The following ZNF804B variants were observed in gnomAD, a reference collection of about 807,000 sequenced individuals.
The protein encoded by ZNF804B is zinc finger protein 804B.
ZNF804B carries 80 observed loss-of-function variants against 101.4 expected under a neutral mutation model. The ratio of observed to expected loss-of-function variants is 0.79; its 90% CI spans 0.66 to 0.95. The LOEUF is 0.95. Ranked by LOEUF, ZNF804B falls within the 40% of genes least tolerant of loss-of-function variation. ZNF804B has a pLI of 0.00. For missense variants in ZNF804B, 1,673 were observed against 1,561.9 expected, an observed-to-expected ratio of 1.07 and a Z score of -1.20; for synonymous variants, 622 against 558.8, an observed-to-expected ratio of 1.11 and a Z score of -1.59.
chr7:89,213,275 T>C (rs1413604171), intron 1 of ZNF804B, among the ~76,000 whole-genome samples: 1 of 152,172 alleles, frequency 6.6e-6, no homozygotes, highest in Non-Finnish European at 1.5e-5. Context: ...GAAAATTCAC[T>C]CTCTTTGAAG....
At chr7:88,899,894 A>G (rs1452983613) in intron 1 of ZNF804B, among the ~76,000 whole-genome samples, 2 of 152,188 alleles carry the variant, frequency 1.3e-5, no homozygotes, top group African/African-American at 4.8e-5. Context: ...TAGTTTACAT[A>G]TTTTATGAGA....
chr7:88,868,119 A>G (rs908281670), intron 1 of ZNF804B, among the ~76,000 whole-genome samples: 3 of 151,452 alleles, frequency 2.0e-5, no homozygotes, highest in Non-Finnish European at 4.4e-5. Context: ...AAATGCTGCC[A>G]TGACAAGATG....
chr7:88,787,853 G>A (rs979037923), intron 1 of ZNF804B, among the ~76,000 whole-genome samples: 1 of 152,138 alleles, frequency 6.6e-6, no homozygotes, highest in South Asian at 2.1e-4. Context: ...ACATAACTGA[G>A]AAGAGAGAGT....
intron 1 of ZNF804B, among the ~76,000 whole-genome samples, chr7:89,053,005 CTTT>C (rs1789233075): frequency 6.6e-6 from 1 of 152,148 alleles, no homozygotes; most frequent in Non-Finnish European, 1.5e-5. Flanking sequence ...TTGATTTCTT[CTTT>C]AACATTAAAT....
rs535182994 is a variant in ZNF804B, at chr7:88,792,181, C to T, written c.108+32097C>T. 2.0e-5 allele frequency among the ~76,000 whole-genome samples: 3 copies of T among 152,110 alleles called. No homozygotes were observed. In the South Asian group the frequency reaches 6.2e-4, roughly 32 times the overall value. Reference sequence around the variant, plus strand: ...TTCTTTTGTATTTTATCGGTTAAGGCAGTCACAGAAGAGGTCTGCCTGCAT... The same window carrying T: ...TTCTTTTGTATTTTATCGGTTAAGGTAGTCACAGAAGAGGTCTGCCTGCAT... On this transcript the variant is annotated intron_variant, in intron 1 of 3. Transcript: ENST00000333190.
chr7:88,898,289 T>A (rs1262511642), intron 1 of ZNF804B, among the ~76,000 whole-genome samples: 1 of 151,952 alleles, frequency 6.6e-6, no homozygotes, highest in African/African-American at 2.4e-5. Flanking sequence ...GGTTTCACCC[T>A]GTTCGCAAGG....
chr7:88,919,938 G>GTTCAAA (rs1792695635), intron 1 of ZNF804B, among the ~76,000 whole-genome samples: 1 of 152,054 alleles, frequency 6.6e-6, no homozygotes. Context: ...CTATCCTTCA[G>GTTCAAA]AGCAGTTCAA....
At chr7:88,843,919 C>T (rs1191965774) in intron 1 of ZNF804B, among the ~76,000 whole-genome samples, 2 of 151,804 alleles carry the variant, frequency 1.3e-5, no homozygotes, top group African/African-American at 4.8e-5. Flanking sequence ...TTTAACAATA[C>T]CTGGTAAACT....
intron 1 of ZNF804B, among the ~76,000 whole-genome samples, chr7:88,885,993 GTATC>G (rs1180321758): frequency 6.6e-6 from 1 of 151,852 alleles, no homozygotes; most frequent in Non-Finnish European, 1.5e-5. Context: ...TAATGCTTTT[GTATC>G]TATCTGTTCT....
intron 1 of ZNF804B, among the ~76,000 whole-genome samples, chr7:88,819,224 A>G (rs1790934891): frequency 6.6e-6 from 1 of 152,114 alleles, no homozygotes; most frequent in South Asian, 2.1e-4. Context: ...CCCAGGTTCA[A>G]GCAATTCTCC....
chr7:88,994,466 A>G (rs1793891873), intron 1 of ZNF804B, among the ~76,000 whole-genome samples: 1 of 151,920 alleles, frequency 6.6e-6, no homozygotes, highest in African/African-American at 2.4e-5. Context: ...TCCAGAAAAC[A>G]AATGCCAAAA....
chr7:89,108,281 C>G (rs534936017), intron 1 of ZNF804B, among the ~76,000 whole-genome samples: 2 of 148,878 alleles, frequency 1.3e-5, no homozygotes, highest in Non-Finnish European at 3.0e-5. Flanking sequence ...GCTTTTATCT[C>G]GACAGAAAGT....
At chr7:89,097,394 T>A (rs1789986021) in intron 1 of ZNF804B, among the ~76,000 whole-genome samples, 1 of 152,172 alleles carries the variant, frequency 6.6e-6, no homozygotes, top group Non-Finnish European at 1.5e-5. Context: ...TAAGCTGGAA[T>A]TGAAATCAGA....
chr7:89,035,131 ATT>A (rs1788905377), intron 1 of ZNF804B, among the ~76,000 whole-genome samples: 2 of 152,254 alleles, frequency 1.3e-5, no homozygotes, highest in African/African-American at 4.8e-5. Flanking sequence ...TTTTACCTAA[ATT>A]TTCAATAAGT....
At chr7:89,152,260 T>C (rs1034692111) in intron 1 of ZNF804B, among the ~76,000 whole-genome samples, 1 of 151,736 alleles carries the variant, frequency 6.6e-6, no homozygotes, top group Non-Finnish European at 1.5e-5. Flanking sequence ...TTTCTTTTTT[T>C]TTTTGTATTT....
chr7:88,851,291 A>C (rs965587065), intron 1 of ZNF804B, among the ~76,000 whole-genome samples: 1 of 152,078 alleles, frequency 6.6e-6, no homozygotes, highest in African/African-American at 2.4e-5. Flanking sequence ...AATAACCTCA[A>C]CAACAAACAT....
At chr7:89,032,762 C>T (rs1454717971) in intron 1 of ZNF804B, among the ~76,000 whole-genome samples, 1 of 151,930 alleles carries the variant, frequency 6.6e-6, no homozygotes, top group Admixed American at 6.6e-5. Flanking sequence ...GGTTTGCAGA[C>T]ATAACCTACC....
At chr7:88,856,098 C>G (rs1383429504) in intron 1 of ZNF804B, among the ~76,000 whole-genome samples, 4 of 151,942 alleles carry the variant, frequency 2.6e-5, no homozygotes, top group Non-Finnish European at 4.4e-5. Flanking sequence ...GCTCTTTTTT[C>G]ATTCCATATG....
At position 89,312,270 on chromosome 7, in the gene ZNF804B, C is replaced by T. The variant is rs148703396; in HGVS notation, c.250-15074C>T. Among the ~76,000 whole-genome samples the T allele has an allele frequency of 2.4e-3, 364 of 152,274 alleles. 3 individuals are homozygous for T. Among genetic ancestry groups the T allele is most frequent in the African/African-American group, 8.2e-3 (342 of 41,566 alleles). On this transcript the variant is annotated intron_variant, in intron 2 of 3. Coordinates refer to ENST00000333190, the MANE Select transcript of ZNF804B (RefSeq NM_181646.5). ...GCGGTGTCTGTAGGCCTGGCTGTAT[C>T]GCTCCAGAACATTGGGCTCAGCCAG...
Sources: allele counts gnomAD v4.1 joint callset (sites outside exome capture counted in the v4.1 genomes callset), GRCh38; gene constraint gnomAD v4.1.1; transcripts MANE v1.5; gene names NCBI Gene and HGNC (gene_info 2026-07-23, HGNC 2026-07-21).